The following BICC1 variants were observed in gnomAD, a reference collection of about 807,000 sequenced individuals.
BICC1 encodes the protein protein bicaudal C homolog 1.
A neutral mutation model predicts 111.0 loss-of-function variants in BICC1; 43 were observed. The ratio of observed to expected loss-of-function variants is 0.39; its 90% CI spans 0.30 to 0.50. The LOEUF is 0.50. Ranked by LOEUF, BICC1 falls within the 20% of genes least tolerant of loss-of-function variation. The probability of loss-of-function intolerance (pLI) is 0.88; values close to 1 mark genes in which losing one functional copy is unlikely to be tolerated. For synonymous variants in BICC1, 467 were observed against 434.4 expected, an observed-to-expected ratio of 1.07 and a Z score of -0.93; for missense variants, 1,091 against 1,203.2, an observed-to-expected ratio of 0.91 and a Z score of 1.38.
At chr10:58,800,108 G>T in intron 12 of BICC1, 86 bp from the exon 13 acceptor site, 2 of 1,059,794 alleles carry the variant, frequency 1.9e-6, no homozygotes. Flanking sequence ...CTTTTTCGTG[G>T]CTGTTATAAA....
chr10:58,589,053 A>G (rs2132034194), intron 1 of BICC1, among the ~76,000 whole-genome samples: 1 of 152,270 alleles, frequency 6.6e-6, no homozygotes, highest in East Asian at 1.9e-4. Flanking sequence ...CCTCTCTCAC[A>G]GTGGATGCTG....
At chr10:58,658,227 A>G (rs1838723925) in intron 2 of BICC1, among the ~76,000 whole-genome samples, 1 of 152,166 alleles carries the variant, frequency 6.6e-6, no homozygotes, top group Admixed American at 6.6e-5. Flanking sequence ...TCAGTCTGTC[A>G]CCCAGGCTGG....
At chr10:58,519,094 C>T (rs1002664576) in intron 1 of BICC1, among the ~76,000 whole-genome samples, 3 of 152,184 alleles carry the variant, frequency 2.0e-5, no homozygotes, top group South Asian at 4.1e-4. Context: ...GCAGTCCAGG[C>T]TCCAAGAGCT....
chr10:58,638,443 G>C (rs1041183821), intron 2 of BICC1, among the ~76,000 whole-genome samples: 1 of 152,100 alleles, frequency 6.6e-6, no homozygotes, highest in Admixed American at 6.6e-5. Context: ...AGGAAAAAAG[G>C]CTCGTTTATT....
At chr10:58,729,164 A>T (rs915392802) in intron 3 of BICC1, among the ~76,000 whole-genome samples, 4 of 152,212 alleles carry the variant, frequency 2.6e-5, no homozygotes, top group African/African-American at 9.6e-5. Flanking sequence ...CTTTCTAGCT[A>T]GGAAAGTTCT....
chr10:58,801,032 A>C lies in BICC1; in HGVS notation c.2001A>C (p.Lys667Asn). 1 of 1,606,922 alleles carries C rather than the reference A, an allele frequency of 6.2e-7. No homozygotes were observed. Among genetic ancestry groups the C allele is most frequent in the Non-Finnish European group, 8.5e-7 (1 of 1,177,402 alleles). Residue 667 changes from lysine (K) to asparagine (N), a missense_variant, in exon 14 of 21, where the codon AAA becomes AAC. Transcript: ENST00000373886. The stretch of plus-strand genomic sequence containing the variant: ...CAGTGGAACTATTGCAAGGCACGAA[A>C]AACTCACACTTACAGTATGTATTTT... ...RQTVELLQGT[K>N]NSHLHSTDRL...
At chr10:58,594,018 G>C (rs928943990) in intron 1 of BICC1, among the ~76,000 whole-genome samples, 3 of 151,880 alleles carry the variant, frequency 2.0e-5, no homozygotes, top group African/African-American at 7.3e-5. Flanking sequence ...AACCAGGGTA[G>C]AGAAGAACAT....
intron 3 of BICC1, among the ~76,000 whole-genome samples, chr10:58,784,183 T>TA: frequency 6.6e-6 from 1 of 152,182 alleles, no homozygotes; most frequent in Non-Finnish European, 1.5e-5. Flanking sequence ...TTTGATTAAA[T>TA]TATATTTTGT....
chr10:58,553,338 T>G (rs1843350534), intron 1 of BICC1, among the ~76,000 whole-genome samples: 1 of 152,054 alleles, frequency 6.6e-6, no homozygotes, highest in Non-Finnish European at 1.5e-5. Context: ...GGAGTTAGAG[T>G]CAGAGGAATT....
At chr10:58,542,701 G>A (rs1470280682) in intron 1 of BICC1, among the ~76,000 whole-genome samples, 4 of 152,008 alleles carry the variant, frequency 2.6e-5, no homozygotes, top group South Asian at 2.1e-4. Context: ...CAAAGGACTC[G>A]AATATATCAA....
At chr10:58,793,428 G>A (rs1276213735) in intron 8 of BICC1, 56 bp from the exon 9 acceptor site, 1 of 1,472,272 alleles carries the variant, frequency 6.8e-7, no homozygotes, top group Non-Finnish European at 9.3e-7. Flanking sequence ...TAAATTATCA[G>A]GTGTTTAAAT....
At chr10:58,749,875 T>C (rs1841937182) in intron 3 of BICC1, among the ~76,000 whole-genome samples, 1 of 152,136 alleles carries the variant, frequency 6.6e-6, no homozygotes, top group Non-Finnish European at 1.5e-5. Context: ...AACCTAGAGT[T>C]AGTTACCAGC....
intron 3 of BICC1, among the ~76,000 whole-genome samples, chr10:58,743,298 A>G (rs1464026380): frequency 6.6e-6 from 1 of 152,038 alleles, no homozygotes; most frequent in Non-Finnish European, 1.5e-5. Flanking sequence ...TACTATCTCC[A>G]GGTCTCTCAT....
chr10:58,645,754 A>G (rs758863016), intron 2 of BICC1, among the ~76,000 whole-genome samples: 4 of 152,144 alleles, frequency 2.6e-5, no homozygotes, highest in Non-Finnish European at 5.9e-5. Flanking sequence ...ACGAAGGCAC[A>G]TTGTCCAAGA....
intron 1 of BICC1, among the ~76,000 whole-genome samples, chr10:58,592,919 G>A (rs956670215): frequency 6.8e-6 from 1 of 146,966 alleles, no homozygotes; most frequent in Admixed American, 6.8e-5. Flanking sequence ...TGCATTGAGA[G>A]CCAAGTGTTC....
chr10:58,659,395 A>G (rs1191545926), intron 2 of BICC1, among the ~76,000 whole-genome samples: 1 of 152,130 alleles, frequency 6.6e-6, no homozygotes, highest in Non-Finnish European at 1.5e-5. Flanking sequence ...GGAATACTAC[A>G]CACCCATAAA....
chr10:58,544,065 C>T (rs935241271), intron 1 of BICC1, among the ~76,000 whole-genome samples: 2 of 152,000 alleles, frequency 1.3e-5, no homozygotes, highest in African/African-American at 4.8e-5. Flanking sequence ...GGGTGAATGC[C>T]TTCATCCATT....
At chr10:58,532,746 T>C (rs1352560227) in intron 1 of BICC1, among the ~76,000 whole-genome samples, 1 of 151,846 alleles carries the variant, frequency 6.6e-6, no homozygotes, top group East Asian at 1.9e-4. Flanking sequence ...AAAATCAAAG[T>C]TGAACAAATT....
chr10:58,711,945 A>T (rs527368001), intron 3 of BICC1, among the ~76,000 whole-genome samples: 24 of 152,292 alleles, frequency 1.6e-4, no homozygotes, highest in African/African-American at 5.1e-4. Context: ...AAATATTTGC[A>T]AAAGACACAT....
Sources: allele counts gnomAD v4.1 joint callset (sites outside exome capture counted in the v4.1 genomes callset), GRCh38; gene constraint gnomAD v4.1.1; transcripts MANE v1.5; gene names NCBI Gene and HGNC (gene_info 2026-07-23, HGNC 2026-07-21).